LINGO2: variants seen among roughly 807,000 people sequenced by gnomAD.
LINGO2 encodes leucine-rich repeat and immunoglobulin-like domain-containing nogo receptor-interacting protein 2.
LINGO2 carries 14 observed loss-of-function variants against 30.6 expected under a neutral mutation model. That is an observed-to-expected ratio of 0.46 (90% CI 0.30 to 0.72). LINGO2 has a LOEUF of 0.72. Ranked by LOEUF, LINGO2 falls within the 30% of genes least tolerant of loss-of-function variation. The pLI is 0.07. For synonymous variants in LINGO2, 317 were observed against 288.5 expected, an observed-to-expected ratio of 1.10 and a Z score of -1.00; for missense variants, 729 against 751.7, an observed-to-expected ratio of 0.97 and a Z score of 0.35.
At chr9:28,441,982 C>A (rs945559431) in intron 2 of LINGO2, among the ~76,000 whole-genome samples, 1 of 151,994 alleles carries the variant, frequency 6.6e-6, no homozygotes, top group African/African-American at 2.4e-5. Context: ...TATATCGATT[C>A]AATCTTTTTA....
At chr9:28,955,243 G>A in the LINGO2 span, among the ~76,000 whole-genome samples, 1 of 152,068 alleles carries the variant, frequency 6.6e-6, no homozygotes, top group Non-Finnish European at 1.5e-5. Context: ...AGATAGACAG[G>A]CAAAGAGAAA....
the LINGO2 span, among the ~76,000 whole-genome samples, chr9:28,733,785 A>T: frequency 2.0e-5 from 3 of 152,072 alleles, no homozygotes; most frequent in African/African-American, 7.2e-5. Context: ...AGGTGAACAC[A>T]CCTGTATTTC....
chr9:28,588,921 A>C (rs1341777154), intron 1 of LINGO2, among the ~76,000 whole-genome samples: 2 of 152,052 alleles, frequency 1.3e-5, no homozygotes, highest in Non-Finnish European at 2.9e-5. Flanking sequence ...GCAAGCTTAG[A>C]TGTCATGCCA....
chr9:28,531,310 C>A (rs1233638973), intron 1 of LINGO2, among the ~76,000 whole-genome samples: 1 of 152,018 alleles, frequency 6.6e-6, no homozygotes, highest in Non-Finnish European at 1.5e-5. Context: ...TTCCATCCCA[C>A]ACAATCTCGG....
intron 1 of LINGO2, among the ~76,000 whole-genome samples, chr9:28,623,271 C>T (rs1173696257): frequency 1.3e-4 from 20 of 151,946 alleles, no homozygotes; most frequent in Admixed American, 1.3e-3. Flanking sequence ...TTGCCCAGAC[C>T]AATGTCCTGT....
At chr9:28,220,352 A>G (rs1820914511) in intron 4 of LINGO2, among the ~76,000 whole-genome samples, 2 of 152,160 alleles carry the variant, frequency 1.3e-5, no homozygotes, top group Non-Finnish European at 2.9e-5. Context: ...GAACAGGTTC[A>G]CCATTTAAAA....
the LINGO2 span, among the ~76,000 whole-genome samples, chr9:28,933,052 A>G: frequency 3.0e-4 from 46 of 152,066 alleles, no homozygotes; most frequent in Non-Finnish European, 5.9e-4. Flanking sequence ...GATTACAGAC[A>G]TACACCACCA....
chr9:28,857,276 C>G, the LINGO2 span, among the ~76,000 whole-genome samples: 1 of 151,970 alleles, frequency 6.6e-6, no homozygotes, highest in African/African-American at 2.4e-5. Flanking sequence ...TTGAGAGAAT[C>G]CAACATTCAA....
At chr9:28,558,202 T>G (rs1461854372) in intron 1 of LINGO2, among the ~76,000 whole-genome samples, 1 of 151,654 alleles carries the variant, frequency 6.6e-6, no homozygotes, top group Admixed American at 6.6e-5. Flanking sequence ...GTTGAACCCA[T>G]TTTTCACTAT....
At chr9:28,667,310 G>A (rs904843100) in intron 1 of LINGO2, among the ~76,000 whole-genome samples, 2 of 152,062 alleles carry the variant, frequency 1.3e-5, no homozygotes, top group African/African-American at 4.8e-5. Context: ...AATGTCTGAT[G>A]GCCTCCCTTA....
At chr9:28,872,250 C>A in the LINGO2 span, among the ~76,000 whole-genome samples, 1 of 151,942 alleles carries the variant, frequency 6.6e-6, no homozygotes, top group Non-Finnish European at 1.5e-5. Context: ...AATGACTGAT[C>A]CATGAAATGT....
the LINGO2 span, among the ~76,000 whole-genome samples, chr9:29,127,367 G>A: frequency 6.6e-6 from 1 of 152,140 alleles, no homozygotes; most frequent in East Asian, 1.9e-4. Context: ...GAGCCAGGAG[G>A]TAAGCCCAGA....
At chr9:29,173,526 G>A in the LINGO2 span, among the ~76,000 whole-genome samples, 2 of 152,034 alleles carry the variant, frequency 1.3e-5, no homozygotes, top group Non-Finnish European at 2.9e-5. Context: ...TTCTTGATGT[G>A]GCAGGAGAAG....
At position 28,581,537 on chromosome 9, in the gene LINGO2, T is replaced by C. The variant is rs142445994; in HGVS notation, c.-365+88663A>G. On this transcript the variant is annotated intron_variant, in intron 1 of 5. Transcript: ENST00000379992. ...GTGATATATATATAGAATATATATA[T>C]AGAAAGCAACATACAGATAAGTCTG... Among the ~76,000 whole-genome samples the C allele has an allele frequency of 2.6e-3, 393 of 151,560 alleles. 3 individuals are homozygous for C. Among genetic ancestry groups the C allele is most frequent in the African/African-American group, 9.1e-3 (376 of 41,432 alleles).
At chr9:28,433,097 T>G (rs1823747245) in intron 2 of LINGO2, among the ~76,000 whole-genome samples, 1 of 152,118 alleles carries the variant, frequency 6.6e-6, no homozygotes, top group Non-Finnish European at 1.5e-5. Context: ...AAAATGGCTA[T>G]CATCTCTCTT....
chr9:28,760,025 C>G, the LINGO2 span, among the ~76,000 whole-genome samples: 2 of 151,966 alleles, frequency 1.3e-5, no homozygotes, highest in African/African-American at 4.8e-5. Context: ...ACTTCCCACA[C>G]TCAAGAAACT....
At chr9:29,081,977 C>G in the LINGO2 span, among the ~76,000 whole-genome samples, 1 of 152,078 alleles carries the variant, frequency 6.6e-6, no homozygotes, top group Non-Finnish European at 1.5e-5. Flanking sequence ...TAGGAAGAAA[C>G]AATATCGTGA....
the LINGO2 span, among the ~76,000 whole-genome samples, chr9:29,105,993 C>T: frequency 6.6e-6 from 1 of 152,124 alleles, no homozygotes; most frequent in South Asian, 2.1e-4. Context: ...TTATTTGATC[C>T]TTACAAAGTC....
At chr9:28,394,656 T>C (rs1189906381) in intron 2 of LINGO2, among the ~76,000 whole-genome samples, 1 of 152,184 alleles carries the variant, frequency 6.6e-6, no homozygotes, top group Admixed American at 6.5e-5. Flanking sequence ...AGAAGATGTA[T>C]GGGGGTAGGT....
Sources: gnomAD v4.1 joint callset for allele counts (sites outside exome capture counted in the v4.1 genomes callset) on GRCh38, gnomAD v4.1.1 for gene constraint, MANE v1.5 for transcripts, NCBI Gene and HGNC (gene_info 2026-07-23, HGNC 2026-07-21) for gene names.